MDN1: variants seen among roughly 807,000 people sequenced by gnomAD.
MDN1 encodes the protein midasin AAA ATPase 1.
A neutral mutation model predicts 669.2 loss-of-function variants in MDN1; 266 were observed. The ratio of observed to expected loss-of-function variants is 0.40; its 90% CI spans 0.36 to 0.44. The LOEUF is 0.44. MDN1 is among the 20% of genes least tolerant of loss of function. The pLI is 1.00. For missense variants in MDN1, 5,940 were observed against 6,754.0 expected (o/e 0.88, Z 4.22); for synonymous variants, 2,385 against 2,457.1 (o/e 0.97, Z 0.87).
chr6:89,743,081 C>T (rs1816375929), intron 31 of MDN1, 69 bp downstream of exon 31: 17 of 1,578,164 alleles, frequency 1.1e-5, no homozygotes, highest in Non-Finnish European at 1.3e-5. Flanking sequence ...AGAACACTGT[C>T]TCAGGGAGAA....
chr6:89,725,293 T>G lies in MDN1; in HGVS notation c.5576A>C (p.His1859Pro), dbSNP rs779347354. 3 of 1,613,920 alleles carry G rather than the reference T, an allele frequency of 1.9e-6. No individual in the cohort carries two copies. The highest frequency in any genetic ancestry group is 2.5e-6 in the Non-Finnish European group (3 of 1,179,952). The part of the protein sequence containing the change: ...PELGMSFQVQ[H>P]EKTKIFGCQN... ...ACACCCAAAAATCTTCGTCTTTTCATGCTGCACTTGAAAGCTCATTCCTAA... is the reference window on the plus strand; with the variant it reads ...ACACCCAAAAATCTTCGTCTTTTCAGGCTGCACTTGAAAGCTCATTCCTAA... Residue 1859 changes from histidine to proline, a missense_variant, in exon 38 of 102, where the codon CAT becomes CCT. Transcript: ENST00000369393.
In MDN1 at chr6:89,698,914, C is replaced by T. The variant is rs1360632746; in HGVS notation, c.9119G>A (p.Gly3040Asp). 1 of 1,614,034 alleles carries T rather than the reference C, an allele frequency of 6.2e-7. No individual in the cohort carries two copies. The highest frequency in any genetic ancestry group is 8.5e-7 in the Non-Finnish European group (1 of 1,180,026). ...EYWLMWNPLP[G>D]MQQREAPKSV... ...CTTGGGTGCCTCCCTCTGCTGCATA[C>T]CAGGCAAAGGGTTCCACATTAGCCA... Residue 3040 changes from glycine (G) to aspartate (D), a missense_variant, in exon 59 of 102, where the codon GGT (glycine) becomes GAT (aspartate). Gly to Asp is a moderately conservative substitution (Grantham distance 94). Transcript: ENST00000369393.
Position 89,794,557 on chromosome 6 carries a change from A to G in MDN1, c.554+20T>C. 6.2e-7 allele frequency: 1 copy of G among 1,610,118 alleles called. No homozygotes were observed. The highest frequency in any genetic ancestry group is 2.2e-5 in the East Asian group (1 of 44,874). On this transcript the variant is annotated intron_variant, in intron 3 of 101. Coordinates refer to ENST00000369393, the MANE Select transcript of MDN1 (RefSeq NM_014611.3). ...ACCATCCCCACACTAGAAGTGCAAA[A>G]AAGTCTAACAGCTACGCACCAGCGA...
At chr6:89,813,456 C>G (rs896066819) in intron 1 of MDN1, among the ~76,000 whole-genome samples, 3 of 149,782 alleles carry the variant, frequency 2.0e-5, no homozygotes, top group East Asian at 2.0e-4. Context: ...GAGGCTGAAA[C>G]AGGAGAATTG....
chr6:89,812,942 ATTTTTT>A (rs201857636), intron 1 of MDN1, among the ~76,000 whole-genome samples: 2 of 144,260 alleles, frequency 1.4e-5, no homozygotes. Flanking sequence ...CTCTACAAAA[ATTTTTT>A]TTTTTTTTTG....
chr6:89,733,131 A>G (rs1467492100), intron 33 of MDN1, among the ~76,000 whole-genome samples: 2 of 152,182 alleles, frequency 1.3e-5, no homozygotes, highest in Non-Finnish European at 1.5e-5. Context: ...AAATTTTGTT[A>G]TATCTTATAA....
chr6:89,818,218 T>C (rs973509039), intron 1 of MDN1, among the ~76,000 whole-genome samples: 5 of 140,744 alleles, frequency 3.6e-5, no homozygotes, highest in Non-Finnish European at 7.6e-5. Flanking sequence ...ACTCGGGAGG[T>C]TGAGACAGAA....
intron 15 of MDN1, among the ~76,000 whole-genome samples, chr6:89,768,542 A>G (rs925418166): frequency 1.3e-5 from 2 of 152,146 alleles, no homozygotes; most frequent in Non-Finnish European, 2.9e-5. Context: ...AAATGAATAC[A>G]CTGGGCAACA....
Position 89,690,737 on chromosome 6 carries a change from G to A in MDN1, c.10685C>T (p.Thr3562Ile), listed in dbSNP as rs756037422. ...TTCCTCCTCCTCTTCACTCAGGGCT[G>A]TCCTAGAGTTCCTGCTCCTGTATCT... ...LYRYRSRNSR[T>I]ALSEEEEEER... The change falls in exon 64 of 102, where the codon ACA becomes ATA. Residue 3562 changes from threonine (T) to isoleucine (I), a missense_variant. By Grantham distance (89) the Thr-to-Ile change is moderately conservative. Around this residue, in one of 5 missense-constraint regions of MDN1, gnomAD observed 2,280 missense variants for 2,576.3 expected, o/e 0.88. Coordinates refer to ENST00000369393, the MANE Select transcript of MDN1 (RefSeq NM_014611.3). 8 of 1,614,072 alleles carry A rather than the reference G, an allele frequency of 5.0e-6. No individual in the cohort carries two copies. In the Middle Eastern group the frequency reaches 4.9e-4, roughly 100 times the overall value.
chr6:89,801,655 A>AC (rs1296798725), intron 2 of MDN1, among the ~76,000 whole-genome samples: 3 of 151,858 alleles, frequency 2.0e-5, no homozygotes, highest in Non-Finnish European at 2.9e-5. Context: ...GTCTCAAAAA[A>AC]AAAACAAAAC....
chr6:89,712,209 G>C lies in MDN1; in HGVS notation c.7478C>G (p.Pro2493Arg). The change falls in exon 49 of 102, where the codon CCC (proline) becomes CGC (arginine). Residue 2493 changes from proline to arginine, a missense_variant. Pro to Arg is a moderately radical substitution (Grantham distance 103, BLOSUM62 -2). Around this residue, in one of 5 missense-constraint regions of MDN1, gnomAD observed 2,292 missense variants for 2,638.3 expected, o/e 0.87. Coordinates refer to ENST00000369393, the MANE Select transcript of MDN1 (RefSeq NM_014611.3). ...LQDLEKIMQS[P>R]SPENLKFNAV... is the part of the protein sequence containing the mutation. ...ATTGAATTTCAGGTTCTCAGGGCTGGGGGACTGCATAATTTTCTCTAAGTC... is the reference window on the plus strand; with the variant it reads ...ATTGAATTTCAGGTTCTCAGGGCTGCGGGACTGCATAATTTTCTCTAAGTC... 6 of 1,614,050 alleles carry C rather than the reference G, an allele frequency of 3.7e-6. No individual in the cohort carries two copies. Among genetic ancestry groups the C allele is most frequent in the Non-Finnish European group, 5.1e-6 (6 of 1,179,998 alleles).
At chr6:89,810,415 A>G (rs1335476928) in intron 1 of MDN1, among the ~76,000 whole-genome samples, 2 of 152,128 alleles carry the variant, frequency 1.3e-5, no homozygotes, top group Non-Finnish European at 2.9e-5. Context: ...TAGCCTGGGC[A>G]ACAGAGTGAG....
intron 11 of MDN1, among the ~76,000 whole-genome samples, chr6:89,777,478 TC>T (rs1818411032): frequency 6.6e-6 from 1 of 152,132 alleles, no homozygotes; most frequent in East Asian, 1.9e-4. Flanking sequence ...ATGATAATAG[TC>T]CCTTCCTAAA....
chr6:89,812,722 G>C (rs1768519147), intron 1 of MDN1, among the ~76,000 whole-genome samples: 1 of 151,920 alleles, frequency 6.6e-6, no homozygotes, highest in African/African-American at 2.4e-5. Context: ...GATAACCTCA[G>C]TGTTATTATT....
intron 8 of MDN1, among the ~76,000 whole-genome samples, chr6:89,786,618 A>C (rs1330308235): frequency 6.6e-6 from 1 of 151,970 alleles, no homozygotes; most frequent in Non-Finnish European, 1.5e-5. Context: ...AAAAATAAAT[A>C]AATGTTTAAA....
Position 89,655,969 on chromosome 6 carries a change from CTG to C in MDN1, c.15286-3_15286-2del. On this transcript the variant is annotated splice_acceptor_variant and splice_polypyrimidine_tract_variant and intron_variant, in intron 91 of 101. Coordinates refer to ENST00000369393, the MANE Select transcript of MDN1 (RefSeq NM_014611.3). LOFTEE classifies it high-confidence loss of function. ...CCTGCCCAGGTTTCCTCTTAAAACT[CTG>C]AGAAATACAAGGAAATTCATCAGAG... 1.9e-6 allele frequency: 3 copies of C among 1,612,860 alleles called. No homozygotes were observed. Among genetic ancestry groups the C allele is most frequent in the Non-Finnish European group, 2.5e-6 (3 of 1,179,730 alleles).
At chr6:89,665,571 G>C (rs538711630) in intron 84 of MDN1, among the ~76,000 whole-genome samples, 248 of 151,838 alleles carry the variant, frequency 1.6e-3, no homozygotes, top group Non-Finnish European at 2.9e-3. Flanking sequence ...GCCAGGCGTG[G>C]TGGTGGGGGC....
At chr6:89,732,865 G>A (rs969060338) in intron 33 of MDN1, 90 bp from the exon 34 acceptor site, 128 of 1,139,354 alleles carry the variant, frequency 1.1e-4, no homozygotes, top group Non-Finnish European at 1.5e-4. Context: ...TGGCCTAAAA[G>A]GGGTCTCTGC....
intron 15 of MDN1, among the ~76,000 whole-genome samples, chr6:89,766,016 C>G (rs1483945427): frequency 6.6e-6 from 1 of 152,176 alleles, no homozygotes; most frequent in African/African-American, 2.4e-5. Context: ...TCATTCAGGC[C>G]AGGCGCTGTG....
Sources: allele counts gnomAD v4.1 joint callset (sites outside exome capture counted in the v4.1 genomes callset), GRCh38; gene constraint gnomAD v4.1.1; regional missense constraint gnomAD v4.1.1; transcripts MANE v1.5; gene names NCBI Gene and HGNC (gene_info 2026-07-23, HGNC 2026-07-21).